The following THEMIS variants were observed in gnomAD, a reference collection of about 807,000 sequenced individuals.
THEMIS encodes the protein protein THEMIS.
THEMIS carries 37 observed loss-of-function variants against 52.6 expected under a neutral mutation model. That is an observed-to-expected ratio of 0.70 (90% CI 0.54 to 0.93). The LOEUF (loss-of-function observed/expected upper bound fraction) is 0.93, where lower values mean the gene tolerates loss of function less well. Ranked by LOEUF, THEMIS falls within the 40% of genes least tolerant of loss-of-function variation. THEMIS has a pLI of 0.00. For missense variants in THEMIS, 808 were observed against 763.1 expected, an observed-to-expected ratio of 1.06 and a Z score of -0.69; for synonymous variants, 292 against 272.7, an observed-to-expected ratio of 1.07 and a Z score of -0.70.
chr6:127,850,868 A>G (rs1779398106), intron 2 of THEMIS, among the ~76,000 whole-genome samples: 1 of 151,598 alleles, frequency 6.6e-6, no homozygotes, highest in South Asian at 2.1e-4. Context: ...ACTACTTGTA[A>G]CCCTGAATCT....
intron 4 of THEMIS, among the ~76,000 whole-genome samples, chr6:127,798,439 G>A (rs1189402358): frequency 1.3e-5 from 2 of 152,096 alleles, no homozygotes; most frequent in Admixed American, 6.5e-5. Context: ...GTGCCACGCT[G>A]GTCTAAATAA....
At chr6:127,874,211 T>TCA (rs1298592313) in intron 1 of THEMIS, among the ~76,000 whole-genome samples, 12 of 152,170 alleles carry the variant, frequency 7.9e-5, no homozygotes, top group African/African-American at 2.9e-4. Flanking sequence ...AATTGGATGC[T>TCA]TCCAACACTT....
At chr6:127,785,783 TATC>T (rs1776928304) in intron 4 of THEMIS, among the ~76,000 whole-genome samples, 1 of 152,028 alleles carries the variant, frequency 6.6e-6, no homozygotes, top group South Asian at 2.1e-4. Flanking sequence ...TGCTTAATAT[TATC>T]ATAAATAATA....
At chr6:127,893,737 A>G (rs156060) in intron 1 of THEMIS, among the ~76,000 whole-genome samples, 71,198 of 151,750 alleles carry the variant, frequency 0.47, 17,526 homozygotes, top group Non-Finnish European at 0.56. Flanking sequence ...ATTTCCTTAA[A>G]CCTCCCATCC....
chr6:127,903,234 C>T (rs76087973), upstream of THEMIS, among the ~76,000 whole-genome samples: 2,668 of 152,014 alleles, frequency 0.018, 85 homozygotes, highest in African/African-American at 0.06. Context: ...TAGACCAGAT[C>T]GTAATCACTT....
At chr6:127,735,768 A>T in intron 4 of THEMIS, among the ~76,000 whole-genome samples, 1 of 152,188 alleles carries the variant, frequency 6.6e-6, no homozygotes, top group East Asian at 1.9e-4. Flanking sequence ...TTTTTCACAC[A>T]TGGTCAACTC....
chr6:127,821,613 C>T (rs895307527), intron 3 of THEMIS, among the ~76,000 whole-genome samples: 3 of 151,510 alleles, frequency 2.0e-5, no homozygotes, highest in South Asian at 2.1e-4. Flanking sequence ...TCACTAAGTT[C>T]TTTCAGGGAA....
At chr6:127,760,363 T>C (rs925325176) in intron 4 of THEMIS, among the ~76,000 whole-genome samples, 10 of 152,318 alleles carry the variant, frequency 6.6e-5, no homozygotes, top group African/African-American at 2.2e-4. Context: ...TGACTATTCA[T>C]GGCCTTCATG....
At chr6:127,750,603 A>T (rs68018843) in intron 4 of THEMIS, among the ~76,000 whole-genome samples, 23,644 of 151,722 alleles carry the variant, frequency 0.16, 2,090 homozygotes, top group African/African-American at 0.24. Context: ...TCAAACTAGA[A>T]CTTTTTACCT....
chr6:127,823,465 T>C (rs1408181797), intron 3 of THEMIS, among the ~76,000 whole-genome samples: 2 of 152,174 alleles, frequency 1.3e-5, no homozygotes, highest in Non-Finnish European at 2.9e-5. Context: ...AGCTTTGTAC[T>C]GTGAAACATA....
chr6:127,820,894 G>A (rs1394768523), intron 3 of THEMIS, among the ~76,000 whole-genome samples: 1 of 151,788 alleles, frequency 6.6e-6, no homozygotes, highest in Non-Finnish European at 1.5e-5. Flanking sequence ...CCTAGAATTT[G>A]GCAATGACAT....
At chr6:127,778,975 C>A (rs970218763) in intron 4 of THEMIS, among the ~76,000 whole-genome samples, 6 of 151,980 alleles carry the variant, frequency 3.9e-5, no homozygotes, top group African/African-American at 1.4e-4. Context: ...AATTCAGGAG[C>A]AACTTCATGT....
intron 1 of THEMIS, among the ~76,000 whole-genome samples, chr6:127,884,166 G>T (rs1213439827): frequency 6.6e-6 from 1 of 152,056 alleles, no homozygotes; most frequent in East Asian, 1.9e-4. Context: ...GAGACTAGTT[G>T]TTTGGTTTGT....
upstream of THEMIS, among the ~76,000 whole-genome samples, chr6:127,902,338 A>AAAT (rs1554248911): frequency 2.3e-4 from 34 of 148,846 alleles, 1 homozygote; most frequent in South Asian, 2.1e-3. Flanking sequence ...AAAAAAAAAA[A>AAAT]AAAAAAATAA....
At chr6:127,759,555 C>T (rs903074542) in intron 4 of THEMIS, among the ~76,000 whole-genome samples, 3 of 152,152 alleles carry the variant, frequency 2.0e-5, no homozygotes, top group East Asian at 1.9e-4. Context: ...GTTCTCCCAG[C>T]TGCACATGTT....
intron 4 of THEMIS, among the ~76,000 whole-genome samples, chr6:127,756,458 A>T (rs533983375): frequency 6.6e-6 from 1 of 152,310 alleles, no homozygotes; most frequent in African/African-American, 2.4e-5. Context: ...ATAATAATAA[A>T]GTGATGAAAA....
chr6:127,758,043 A>G (rs1288651588), intron 4 of THEMIS, among the ~76,000 whole-genome samples: 1 of 151,820 alleles, frequency 6.6e-6, no homozygotes, highest in Non-Finnish European at 1.5e-5. Flanking sequence ...AAATACACAT[A>G]TATGTATATA....
chr6:127,701,848 G>A, the THEMIS span, among the ~76,000 whole-genome samples: 4 of 152,074 alleles, frequency 2.6e-5, no homozygotes, highest in South Asian at 2.1e-4. Flanking sequence ...CTTTTATGAA[G>A]TGCCTGCTTA....
intron 2 of THEMIS, among the ~76,000 whole-genome samples, chr6:127,854,406 G>A (rs976994299): frequency 6.6e-6 from 1 of 151,722 alleles, no homozygotes; most frequent in Non-Finnish European, 1.5e-5. Flanking sequence ...AAAAAATATG[G>A]CAAATGAGAA....
Sources: gnomAD v4.1 joint callset for allele counts (sites outside exome capture counted in the v4.1 genomes callset) on GRCh38, gnomAD v4.1.1 for gene constraint, MANE v1.5 for transcripts, NCBI Gene and HGNC (gene_info 2026-07-23, HGNC 2026-07-21) for gene names.